Variants in RYR2 observed in about 807,000 individuals in gnomAD.
The protein encoded by RYR2 is ryanodine receptor 2, also known as cardiac muscle ryanodine receptor-calcium release channel.
In RYR2, 227 loss-of-function variants were observed where a neutral mutation model predicts 601.1. That is an observed-to-expected ratio of 0.38 (90% CI 0.34 to 0.42). The LOEUF (loss-of-function observed/expected upper bound fraction) is 0.42. Ranked by LOEUF, RYR2 falls within the 10% of genes least tolerant of loss-of-function variation. RYR2 has a pLI of 1.00. For missense variants in RYR2, 4,646 were observed against 6,156.5 expected (o/e 0.75, Z 8.21); for synonymous variants, 2,223 against 2,175.1 (o/e 1.02, Z -0.61).
intron 24 of RYR2, among the ~76,000 whole-genome samples, chr1:237,526,985 G>A (rs2147909580): frequency 6.6e-6 from 1 of 152,280 alleles, no homozygotes; most frequent in African/African-American, 2.4e-5. Flanking sequence ...TGTACATGGT[G>A]AGAGATAGAG....
chr1:237,495,170 T>C (rs1663932298), intron 19 of RYR2, among the ~76,000 whole-genome samples: 1 of 152,184 alleles, frequency 6.6e-6, no homozygotes, highest in South Asian at 2.1e-4. Flanking sequence ...ATTTATTCTA[T>C]TATTCAATCC....
chr1:237,215,357 G>A (rs1030231238), intron 1 of RYR2, among the ~76,000 whole-genome samples: 23 of 152,160 alleles, frequency 1.5e-4, no homozygotes, highest in African/African-American at 4.8e-4. Context: ...ACAGGGTTCA[G>A]TACTATCCAC....
chr1:237,430,161 CAT>C (rs796658467), intron 12 of RYR2, among the ~76,000 whole-genome samples: 10 of 149,450 alleles, frequency 6.7e-5, no homozygotes, highest in Admixed American at 4.7e-4. Context: ...TAACATATAA[CAT>C]ATATAGTCAT....
intron 1 of RYR2, among the ~76,000 whole-genome samples, chr1:237,050,664 CAT>C (rs1572452423): frequency 1.3e-5 from 2 of 152,228 alleles, no homozygotes; most frequent in South Asian, 2.1e-4. Context: ...GAATTTCACT[CAT>C]ATTTAATGCA....
intron 71 of RYR2, among the ~76,000 whole-genome samples, chr1:237,716,870 TAGAA>T (rs1359791971): frequency 2.0e-5 from 3 of 152,142 alleles, no homozygotes; most frequent in Non-Finnish European, 4.4e-5. Context: ...CATTGAAAAT[TAGAA>T]AGCACACAAT....
In RYR2 at chr1:237,674,100, A is replaced by G. The variant is rs1573463108; in HGVS notation, c.8595A>G (p.Gly2865=). ...KKKMELESKG[G]GNHPLLVPYD... is the part of the protein sequence containing the mutation. The stretch of plus-strand genomic sequence containing the variant: ...CTTGTCCTGACATACTCTTAGGAGG[A>G]GGAAACCATCCTCTGCTGGTGCCCT... Residue 2865 remains glycine (G), a synonymous_variant, in exon 59 of 105, where the codon GGA becomes GGG. Coordinates refer to ENST00000366574, the MANE Select transcript of RYR2 (RefSeq NM_001035.3). 13 of 1,611,684 alleles carry G rather than the reference A, an allele frequency of 8.1e-6. No individual in the cohort carries two copies. Among genetic ancestry groups the G allele is most frequent in the Non-Finnish European group, 1.1e-5 (13 of 1,178,104 alleles).
intron 27 of RYR2, among the ~76,000 whole-genome samples, chr1:237,558,265 T>C (rs2779391): frequency 0.62 from 94,661 of 152,134 alleles, 30,524 homozygotes; most frequent in Non-Finnish European, 0.71. Flanking sequence ...GTCTACTGTA[T>C]AATTATTGTC....
At chr1:237,357,797 A>G (rs1428286431) in intron 4 of RYR2, among the ~76,000 whole-genome samples, 1 of 152,204 alleles carries the variant, frequency 6.6e-6, no homozygotes, top group Non-Finnish European at 1.5e-5. Context: ...CTGTAGGACT[A>G]GAATCTGCTT....
At chr1:237,183,855 A>C (rs1445320096) in intron 1 of RYR2, among the ~76,000 whole-genome samples, 1 of 152,254 alleles carries the variant, frequency 6.6e-6, no homozygotes, top group African/African-American at 2.4e-5. Flanking sequence ...CAATGAAGGC[A>C]GCTGATACTA....
chr1:237,119,350 A>G (rs1057191861), intron 1 of RYR2, among the ~76,000 whole-genome samples: 21 of 152,230 alleles, frequency 1.4e-4, no homozygotes, highest in African/African-American at 5.1e-4. Context: ...TAAGTCAGTC[A>G]GTCTGTGGTA....
chr1:237,270,741 G>A (rs998506431), intron 2 of RYR2, 125 bp downstream of exon 2: 9 of 1,073,098 alleles, frequency 8.4e-6, no homozygotes, highest in Non-Finnish European at 1.1e-5. Flanking sequence ...ATATAACAAT[G>A]TTTTCCATCT....
At chr1:237,405,171 A>G (rs1240097382) in intron 10 of RYR2, among the ~76,000 whole-genome samples, 1 of 152,234 alleles carries the variant, frequency 6.6e-6, no homozygotes, top group African/African-American at 2.4e-5. Flanking sequence ...TCTGTGTGAC[A>G]TCACCTTGGG....
chr1:237,517,717 G>T (rs1666691435), intron 24 of RYR2, among the ~76,000 whole-genome samples: 1 of 151,902 alleles, frequency 6.6e-6, no homozygotes, highest in African/African-American at 2.4e-5. Context: ...CTTTTCTTAT[G>T]CCCCCTGTTT....
intron 32 of RYR2, among the ~76,000 whole-genome samples, chr1:237,593,105 G>A (rs1482004705): frequency 3.3e-5 from 5 of 151,594 alleles, no homozygotes; most frequent in African/African-American, 4.9e-5. Flanking sequence ...TAATGGATTC[G>A]TGGTTTTATT....
chr1:237,371,886 G>T (rs141788633), intron 6 of RYR2, among the ~76,000 whole-genome samples: 2 of 152,120 alleles, frequency 1.3e-5, no homozygotes, highest in African/African-American at 4.8e-5. Flanking sequence ...ATCACACACC[G>T]GGGCCTGTCG....
In RYR2 at chr1:237,684,013, C is replaced by G. The variant is rs566475206; in HGVS notation, c.9017+3436C>G. On this transcript the variant is annotated intron_variant, in intron 62 of 104. Coordinates refer to ENST00000366574, the MANE Select transcript of RYR2 (RefSeq NM_001035.3). ...CATGATCTCGGCTCACTGCAACCTC[C>G]GCCTCCCAGGTTCAAGCAATTCTCC... Among the ~76,000 whole-genome samples, 4 of 152,114 alleles carry G rather than the reference C, an allele frequency of 2.6e-5. No individual in the cohort carries two copies. The South Asian group carries it at 8.3e-4, about 32-fold the overall frequency.
chr1:237,622,591 T>C (rs752196298), intron 38 of RYR2, among the ~76,000 whole-genome samples: 1 of 152,154 alleles, frequency 6.6e-6, no homozygotes, highest in Non-Finnish European at 1.5e-5. Flanking sequence ...GGGTTCTGCA[T>C]CTATGGATTC....
chr1:237,201,862 G>T (rs774069033), intron 1 of RYR2, among the ~76,000 whole-genome samples: 1 of 152,098 alleles, frequency 6.6e-6, no homozygotes, highest in South Asian at 2.1e-4. Context: ...TTCAGGATTT[G>T]TTTGATAGGC....
intron 1 of RYR2, among the ~76,000 whole-genome samples, chr1:237,090,769 A>G (rs1176002733): frequency 1.3e-5 from 2 of 152,164 alleles, no homozygotes; most frequent in Non-Finnish European, 2.9e-5. Flanking sequence ...TGATTTTTGA[A>G]TGCAAAACAA....
Sources: allele counts gnomAD v4.1 joint callset (sites outside exome capture counted in the v4.1 genomes callset), GRCh38; gene constraint gnomAD v4.1.1; transcripts MANE v1.5; gene names NCBI Gene and HGNC (gene_info 2026-07-23, HGNC 2026-07-21).